Variants in RTN4 observed in about 807,000 individuals in gnomAD.
RTN4 encodes reticulon 4.
A neutral mutation model predicts 90.4 loss-of-function variants in RTN4; 32 were observed. That is an observed-to-expected ratio of 0.35 (90% confidence interval 0.27 to 0.48). The LOEUF is 0.48. Among genes scored for constraint, RTN4 ranks in the 20% least tolerant of loss-of-function variants. The probability of loss-of-function intolerance (pLI) is 0.99; values close to 1 mark genes in which losing one functional copy is unlikely to be tolerated. For missense variants in RTN4, 1,706 were observed against 1,430.2 expected, an observed-to-expected ratio of 1.19 and a Z score of -3.11; for synonymous variants, 629 against 552.5, an observed-to-expected ratio of 1.14 and a Z score of -1.94.
upstream of RTN4, among the ~76,000 whole-genome samples, chr2:55,053,686 CAAAA>C (rs1379336082): frequency 1.1e-3 from 97 of 87,698 alleles, no homozygotes; most frequent in Admixed American, 9.8e-3. Flanking sequence ...AACTCCATCT[CAAAA>C]AAAAACAAAA....
intron 3 of RTN4, among the ~76,000 whole-genome samples, chr2:55,020,627 C>T (rs1475592706): frequency 2.0e-5 from 3 of 152,176 alleles, no homozygotes; most frequent in Admixed American, 2.0e-4. Flanking sequence ...GCACCATCTG[C>T]ATCACAATAC....
intron 2 of RTN4, among the ~76,000 whole-genome samples, chr2:55,072,647 A>G (rs1668537055): frequency 6.6e-6 from 1 of 152,150 alleles, no homozygotes; most frequent in Admixed American, 6.5e-5. Context: ...CTTCTCTTTA[A>G]TTATCACAGT....
At chr2:55,041,095 T>TG (rs200095966) in intron 1 of RTN4, among the ~76,000 whole-genome samples, 2 of 151,452 alleles carry the variant, frequency 1.3e-5, no homozygotes, top group Non-Finnish European at 2.9e-5. Context: ...TTTTTTTTTT[T>TG]GGAAATGAAA....
intron 5 of RTN4, 70 bp from the exon 6 acceptor site, chr2:54,974,834 G>T: frequency 7.4e-7 from 1 of 1,348,626 alleles, no homozygotes; most frequent in Non-Finnish European, 1.1e-6. Flanking sequence ...GCTTTCAAAA[G>T]CATCCCATCT....
In RTN4 at chr2:55,025,701, A is replaced by T. The variant is rs375844223; in HGVS notation, c.2398T>A (p.Leu800Met). The T allele has an allele frequency of 3.1e-6, 5 of 1,613,736 alleles. No homozygotes were observed. The African/African-American group carries it at 6.7e-5, about 22-fold the overall frequency. ...ALPPEGGKPY[L>M]ESFKLSLDNT... ...TCTAAACTGAGCTTAAAAGATTCCA[A>T]ATATGGCTTTCCTCCCTCAGGTGGC... The change falls in exon 3 of 9, where the codon TTG (leucine) becomes ATG (methionine). Residue 800 changes from leucine (L) to methionine (M), a missense_variant. By Grantham distance (15) the Leu-to-Met change is conservative. Transcript: ENST00000337526.
At chr2:55,088,155 C>A (rs1214521186) in intron 1 of RTN4, among the ~76,000 whole-genome samples, 1 of 152,206 alleles carries the variant, frequency 6.6e-6, no homozygotes, top group Non-Finnish European at 1.5e-5. Flanking sequence ...TATCTTCTCC[C>A]CAGCTAGGAC....
intron 1 of RTN4, among the ~76,000 whole-genome samples, chr2:55,105,137 T>C (rs1254997693): frequency 6.6e-6 from 1 of 152,010 alleles, no homozygotes; most frequent in Non-Finnish European, 1.5e-5. Context: ...CTTTGATTAC[T>C]ACTTATGTGA....
chr2:55,044,802 AAAAAAAAAG>A (rs2104956596), intron 1 of RTN4, among the ~76,000 whole-genome samples: 1 of 150,548 alleles, frequency 6.6e-6, no homozygotes, highest in Non-Finnish European at 1.5e-5. Context: ...AAAAAAAAAA[AAAAAAAAAG>A]ACCACAAATT....
chr2:54,981,257 T>C (rs1358742224), intron 5 of RTN4, among the ~76,000 whole-genome samples: 1 of 151,204 alleles, frequency 6.6e-6, no homozygotes, highest in Non-Finnish European at 1.5e-5. Flanking sequence ...TATCAACTAC[T>C]AGGTTATAAA....
intron 4 of RTN4, among the ~76,000 whole-genome samples, chr2:54,983,305 A>C (rs1012660651): frequency 1.4e-5 from 2 of 147,574 alleles, no homozygotes; most frequent in African/African-American, 5.1e-5. Context: ...TGTTAAATTT[A>C]AAAGTATTGT....
intron 3 of RTN4, among the ~76,000 whole-genome samples, chr2:55,022,707 C>T (rs1052319289): frequency 2.0e-5 from 3 of 152,118 alleles, no homozygotes; most frequent in Non-Finnish European, 4.4e-5. Context: ...ACCCCTAGTC[C>T]TGCCATCACC....
intron 1 of RTN4, 70 bp downstream of exon 1, chr2:55,049,675 C>A (rs943979094): frequency 2.0e-6 from 3 of 1,496,344 alleles, no homozygotes; most frequent in Non-Finnish European, 2.7e-6. Flanking sequence ...CAGCCCAAAG[C>A]ATCTGGGGCT....
At position 55,026,129 on chromosome 2, in the gene RTN4, G is replaced by T. The variant is rs200840660; in HGVS notation, c.1970C>A (p.Pro657Gln). 2.0e-5 allele frequency: 33 copies of T among 1,613,180 alleles called. 1 individual carries two copies. The South Asian group carries it at 3.5e-4, about 17-fold the overall frequency. ...ESIKHEPENPPPYEEAMSVSL... is the reference protein window; with the variant it reads ...ESIKHEPENPQPYEEAMSVSL... ...TACACTCATGGCCTCTTCATATGGT[G>T]GGGGGTTTTCAGGCTCATGTTTTAT... Residue 657 changes from proline (P) to glutamine (Q), a missense_variant, in exon 3 of 9, where the codon CCA becomes CAA. Transcript: ENST00000337526.
Position 55,025,556 on chromosome 2 carries a change from G to T in RTN4, c.2543C>A (p.Ser848Tyr). 1.2e-6 allele frequency: 2 copies of T among 1,613,668 alleles called. No individual in the cohort carries two copies. The highest frequency in any genetic ancestry group is 1.7e-6 in the Non-Finnish European group (2 of 1,179,830). Residue 848 changes from serine (S) to tyrosine (Y), a missense_variant, in exon 3 of 9, where the codon TCT (serine) becomes TAT (tyrosine). Transcript: ENST00000337526. ...AVYSNDDLFI[S>Y]KEAQIRETET... ...AGTTTCTCTTATCTGTGCTTCCTTA[G>T]AAATAAATAAGTCATCATTTGAATA...
the RTN4 span, among the ~76,000 whole-genome samples, chr2:55,132,953 T>A: frequency 6.6e-6 from 1 of 151,994 alleles, no homozygotes; most frequent in African/African-American, 2.4e-5. Flanking sequence ...GGCTCACACC[T>A]GTAAATCCTG....
upstream of RTN4, among the ~76,000 whole-genome samples, chr2:55,114,020 T>A (rs773537903): frequency 6.6e-6 from 1 of 152,248 alleles, no homozygotes; most frequent in Admixed American, 6.5e-5. Flanking sequence ...TTGGAAACCA[T>A]GAATTTTTCA....
the RTN4 span, among the ~76,000 whole-genome samples, chr2:55,120,707 T>C: frequency 6.6e-5 from 10 of 152,258 alleles, no homozygotes; most frequent in South Asian, 1.7e-3. Flanking sequence ...TATAATGTTG[T>C]TATTATTAGA....
intron 3 of RTN4, among the ~76,000 whole-genome samples, chr2:55,009,437 G>C (rs1013186338): frequency 2.0e-5 from 3 of 152,208 alleles, no homozygotes; most frequent in African/African-American, 7.2e-5. Context: ...AGATTTGAAA[G>C]GATCTGGGCT....
chr2:55,092,124 A>C (rs1668949611), intron 1 of RTN4, among the ~76,000 whole-genome samples: 1 of 150,556 alleles, frequency 6.6e-6, no homozygotes, highest in Non-Finnish European at 1.5e-5. Flanking sequence ...CAGGAGTTTG[A>C]GGCTGCAGTG....
Sources: allele counts gnomAD v4.1 joint callset (sites outside exome capture counted in the v4.1 genomes callset), GRCh38; gene constraint gnomAD v4.1.1; transcripts MANE v1.5; gene names NCBI Gene and HGNC (gene_info 2026-07-23, HGNC 2026-07-21).